GLIS3: variants seen among roughly 807,000 people sequenced by gnomAD.
GLIS3 encodes the protein zinc finger protein GLIS3.
In GLIS3, 53 loss-of-function variants were observed where a neutral mutation model predicts 78.6. The ratio of observed to expected loss-of-function variants is 0.67; its 90% CI spans 0.54 to 0.85. The LOEUF (loss-of-function observed/expected upper bound fraction) is 0.85, where lower values mean the gene tolerates loss of function less well. Among genes scored for constraint, GLIS3 ranks in the 40% least tolerant of loss-of-function variants. The pLI is 0.00. For missense variants in GLIS3, 1,703 were observed against 1,231.1 expected (o/e 1.38, Z -5.74); for synonymous variants, 684 against 509.9 (o/e 1.34, Z -4.60).
chr9:4,308,776 C>G (rs1164933367), intron 4 of GLIS3: 1 of 152,216 alleles, frequency 6.6e-6, no homozygotes, highest in African/African-American at 2.4e-5. Context: ...CTTTGTCTCA[C>G]CTGGGATGGC....
chr9:4,455,313 C>T, the GLIS3 span, among the ~76,000 whole-genome samples: 3 of 152,190 alleles, frequency 2.0e-5, no homozygotes, highest in Non-Finnish European at 4.4e-5. Context: ...TGTCACCACA[C>T]TCTTTGTAGA....
intron 2 of GLIS3, among the ~76,000 whole-genome samples, chr9:4,242,242 G>T (rs752930622): frequency 6.6e-6 from 1 of 152,012 alleles, no homozygotes; most frequent in African/African-American, 2.4e-5. Flanking sequence ...GTTCCCCACG[G>T]TAACACAGGG....
At position 4,110,132 on chromosome 9, in the gene GLIS3, G is replaced by A. The variant is rs138045418; in HGVS notation, c.1710+7636C>T. Among the ~76,000 whole-genome samples the A allele has an allele frequency of 3.5e-4, 54 of 152,280 alleles. No individual in the cohort carries two copies. The East Asian group carries it at 5.2e-3, about 15-fold the overall frequency. ...CATGGCTTGCACTCAGTGATCAAAC[G>A]AATGAATCAACACACAATGAGTGAA... On this transcript the variant is annotated intron_variant, in intron 4 of 10. Transcript: ENST00000381971.
intron 2 of GLIS3, among the ~76,000 whole-genome samples, chr9:4,268,015 A>G (rs886997297): frequency 2.0e-5 from 3 of 152,088 alleles, no homozygotes; most frequent in African/African-American, 7.2e-5. Flanking sequence ...ATATATACAT[A>G]GATGTGTATA....
At chr9:4,148,327 C>T (rs1834386526) in intron 2 of GLIS3, among the ~76,000 whole-genome samples, 1 of 152,148 alleles carries the variant, frequency 6.6e-6, no homozygotes, top group South Asian at 2.1e-4. Flanking sequence ...ACATACTCCA[C>T]TCCAGGCAGC....
Position 3,949,239 on chromosome 9 carries a change from A to C in GLIS3, c.1711-12050T>G, listed in dbSNP as rs141613088. Reference sequence around the variant, plus strand: ...AAATTCACAAAGACTGACTATCCTAAATTATACTAATCATTCTCATCAAAA... The same window carrying C: ...AAATTCACAAAGACTGACTATCCTACATTATACTAATCATTCTCATCAAAA... On this transcript the variant is annotated intron_variant, in intron 4 of 10. Coordinates refer to ENST00000381971, the MANE Select transcript of GLIS3 (RefSeq NM_001042413.2). 8.3e-3 allele frequency among the ~76,000 whole-genome samples: 1,263 copies of C among 152,340 alleles called. 9 individuals are homozygous for C. The highest frequency in any genetic ancestry group is 0.014 in the Non-Finnish European group (954 of 68,032).
chr9:4,445,625 C>A, the GLIS3 span, among the ~76,000 whole-genome samples: 1 of 152,104 alleles, frequency 6.6e-6, no homozygotes, highest in South Asian at 2.1e-4. Context: ...CAGAGCAAGA[C>A]TCTAACTCTA....
chr9:4,188,064 T>C (rs948374998), intron 2 of GLIS3, among the ~76,000 whole-genome samples: 8 of 152,064 alleles, frequency 5.3e-5, no homozygotes, highest in Admixed American at 3.9e-4. Flanking sequence ...AGGGCATCCC[T>C]GTCTTGTGCC....
At chr9:4,466,683 T>G in the GLIS3 span, among the ~76,000 whole-genome samples, 3 of 152,170 alleles carry the variant, frequency 2.0e-5, no homozygotes, top group Admixed American at 1.3e-4. Context: ...GATGGCTGAA[T>G]AGGAACAGCT....
intron 4 of GLIS3, among the ~76,000 whole-genome samples, chr9:4,028,061 C>T (rs1336407412): frequency 6.6e-6 from 1 of 152,184 alleles, no homozygotes; most frequent in Non-Finnish European, 1.5e-5. Context: ...ACTTATCTTC[C>T]TGTAACTCAT....
the GLIS3 span, among the ~76,000 whole-genome samples, chr9:4,372,714 A>G: frequency 3.3e-5 from 5 of 152,234 alleles, no homozygotes; most frequent in Non-Finnish European, 5.9e-5. Flanking sequence ...GCTTAAATAC[A>G]TGATTTTCCT....
At chr9:4,179,615 A>C (rs1817117063) in intron 2 of GLIS3, among the ~76,000 whole-genome samples, 1 of 152,228 alleles carries the variant, frequency 6.6e-6, no homozygotes, top group Non-Finnish European at 1.5e-5. Flanking sequence ...CATCGTTTAA[A>C]AGTTAATTTC....
At chr9:4,158,878 G>A (rs1564131354) in intron 2 of GLIS3, among the ~76,000 whole-genome samples, 1 of 152,212 alleles carries the variant, frequency 6.6e-6, no homozygotes. Flanking sequence ...TGGCAGAAAA[G>A]GCCTATGGAA....
chr9:4,435,653 A>G, the GLIS3 span, among the ~76,000 whole-genome samples: 2 of 152,252 alleles, frequency 1.3e-5, no homozygotes, highest in South Asian at 4.1e-4. Context: ...AGCTGATGAC[A>G]AAAATCTTCC....
At chr9:3,980,248 C>T (rs1386206418) in intron 4 of GLIS3, among the ~76,000 whole-genome samples, 10 of 152,166 alleles carry the variant, frequency 6.6e-5, no homozygotes, top group Non-Finnish European at 2.9e-5. Flanking sequence ...CACTATATAA[C>T]GTGACTTTAA....
At chr9:3,904,078 CCTT>C (rs1434937338) in intron 6 of GLIS3, among the ~76,000 whole-genome samples, 1 of 152,162 alleles carries the variant, frequency 6.6e-6, no homozygotes, top group Admixed American at 6.5e-5. Flanking sequence ...CTTTGTCTCC[CCTT>C]CTTTGAGAGC....
chr9:4,376,006 C>T, the GLIS3 span, among the ~76,000 whole-genome samples: 1 of 152,212 alleles, frequency 6.6e-6, no homozygotes, highest in African/African-American at 2.4e-5. Flanking sequence ...GAGCTGTGAG[C>T]TTCACAGGAA....
chr9:4,462,594 A>AACACACACACACAC, the GLIS3 span, among the ~76,000 whole-genome samples: 20 of 145,092 alleles, frequency 1.4e-4, no homozygotes, highest in South Asian at 9.1e-4. Context: ...CCATCTCTAT[A>AACACACACACACAC]ACACACACAC....
chr9:4,067,224 C>CT (rs1827176835), intron 4 of GLIS3, among the ~76,000 whole-genome samples: 1 of 151,122 alleles, frequency 6.6e-6, no homozygotes, highest in South Asian at 2.1e-4. Flanking sequence ...CTTTATATTA[C>CT]TTTAAAGTAT....
Sources: allele counts gnomAD v4.1 joint callset (sites outside exome capture counted in the v4.1 genomes callset), GRCh38; gene constraint gnomAD v4.1.1; transcripts MANE v1.5; gene names NCBI Gene and HGNC (gene_info 2026-07-23, HGNC 2026-07-21).